Variants in GALNTL6 observed in about 807,000 individuals in gnomAD.
GALNTL6 encodes polypeptide N-acetylgalactosaminyltransferase like 6, also known as polypeptide N-acetylgalactosaminyltransferase-like 6.
Under a neutral mutation model 73.7 loss-of-function variants are expected in GALNTL6, and 46 were observed. The observed-to-expected ratio is 0.62, with a 90% CI of 0.49 to 0.80. The LOEUF (loss-of-function observed/expected upper bound fraction) is 0.80. GALNTL6 is among the 30% of genes least tolerant of loss of function. The pLI is 0.00. For synonymous variants in GALNTL6, 259 were observed against 263.7 expected (o/e 0.98, Z 0.17); for missense variants, 604 against 755.0 (o/e 0.80, Z 2.34).
intron 2 of GALNTL6, among the ~76,000 whole-genome samples, chr4:171,995,699 A>G (rs1740466035): frequency 1.3e-5 from 2 of 152,046 alleles, no homozygotes; most frequent in African/African-American, 4.8e-5. Flanking sequence ...TTACCTTAGT[A>G]TTCATTTTAA....
At chr4:172,892,605 CTTT>C (rs57815105) in intron 8 of GALNTL6, among the ~76,000 whole-genome samples, 12,683 of 137,762 alleles carry the variant, frequency 0.092, 1,058 homozygotes, top group African/African-American at 0.22. Flanking sequence ...ATTTTTAATT[CTTT>C]TTTTTTTTTT....
intron 2 of GALNTL6, among the ~76,000 whole-genome samples, chr4:171,952,364 G>A (rs1738910530): frequency 6.6e-6 from 1 of 151,810 alleles, no homozygotes; most frequent in Admixed American, 6.6e-5. Flanking sequence ...CAAGCAACAA[G>A]TACTTCTCCT....
At chr4:172,866,287 CGA>C (rs1744659815) in intron 7 of GALNTL6, among the ~76,000 whole-genome samples, 1 of 151,934 alleles carries the variant, frequency 6.6e-6, no homozygotes, top group Non-Finnish European at 1.5e-5. Flanking sequence ...AGTGCATATA[CGA>C]GAGAGAGGAA....
chr4:172,413,021 A>G (rs1156655176), intron 5 of GALNTL6, among the ~76,000 whole-genome samples: 25 of 152,304 alleles, frequency 1.6e-4, no homozygotes, highest in Non-Finnish European at 1.5e-5. Flanking sequence ...TCATCAAGAA[A>G]GAAACATTTT....
intron 2 of GALNTL6, among the ~76,000 whole-genome samples, chr4:172,166,414 C>G (rs1163056636): frequency 6.6e-6 from 1 of 151,904 alleles, no homozygotes; most frequent in Non-Finnish European, 1.5e-5. Context: ...TTGCTGCACT[C>G]CAGCCTGGGT....
intron 5 of GALNTL6, among the ~76,000 whole-genome samples, chr4:172,446,547 A>G (rs1398696939): frequency 6.6e-6 from 1 of 152,206 alleles, no homozygotes; most frequent in Non-Finnish European, 1.5e-5. Context: ...TAAAAGTTTC[A>G]TCATAAAGCC....
chr4:172,614,762 C>A (rs1045732772), intron 5 of GALNTL6, among the ~76,000 whole-genome samples: 1 of 152,138 alleles, frequency 6.6e-6, no homozygotes, highest in Non-Finnish European at 1.5e-5. Flanking sequence ...GAGGGAAGCA[C>A]TTACAGCATC....
At position 172,944,776 on chromosome 4, in the gene GALNTL6, C is replaced by T. The variant is rs1235227238; in HGVS notation, c.1150-7261C>T. Among the ~76,000 whole-genome samples, 3 of 152,126 alleles carry T rather than the reference C, an allele frequency of 2.0e-5. No homozygotes were observed. In the East Asian group the frequency reaches 5.8e-4, roughly 29 times the overall value. ...TGTGATAGAATACAATAAGAATGGG[C>T]TGGGCACGGTGGCTCATGCCTATAA... On this transcript the variant is annotated intron_variant, in intron 9 of 12. Transcript: ENST00000506823.
At chr4:172,077,100 T>G (rs1271880712) in intron 2 of GALNTL6, among the ~76,000 whole-genome samples, 1 of 152,248 alleles carries the variant, frequency 6.6e-6, no homozygotes, top group Non-Finnish European at 1.5e-5. Context: ...TATGGAACTG[T>G]GAGTCAATTA....
At chr4:172,410,921 G>C (rs773840914) in intron 5 of GALNTL6, among the ~76,000 whole-genome samples, 23 of 152,108 alleles carry the variant, frequency 1.5e-4, no homozygotes, top group Admixed American at 7.2e-4. Flanking sequence ...AGCACAGCAG[G>C]CTTCACATTT....
chr4:172,739,754 A>C (rs1736693894), intron 5 of GALNTL6, among the ~76,000 whole-genome samples: 1 of 152,146 alleles, frequency 6.6e-6, no homozygotes, highest in African/African-American at 2.4e-5. Context: ...TTACATACTA[A>C]GAATTTTCTT....
intron 9 of GALNTL6, among the ~76,000 whole-genome samples, chr4:172,935,216 C>A (rs1029634587): frequency 1.3e-5 from 2 of 152,164 alleles, no homozygotes; most frequent in African/African-American, 2.4e-5. Context: ...CACAGCCACC[C>A]TCGCCAATAC....
chr4:172,156,540 AAT>A (rs5864120), intron 2 of GALNTL6, among the ~76,000 whole-genome samples: 36,720 of 124,506 alleles, frequency 0.29, 5,705 homozygotes, highest in East Asian at 0.45. Context: ...ATATATATAT[AAT>A]ATATATATAT....
intron 5 of GALNTL6, among the ~76,000 whole-genome samples, chr4:172,349,543 T>A (rs1024502196): frequency 6.6e-6 from 1 of 152,118 alleles, no homozygotes; most frequent in African/African-American, 2.4e-5. Flanking sequence ...CACAGAAACA[T>A]CTTTTTTTCA....
chr4:171,893,762 T>TCTGATACTAA (rs1172746857), intron 2 of GALNTL6, among the ~76,000 whole-genome samples: 2 of 152,212 alleles, frequency 1.3e-5, no homozygotes, highest in African/African-American at 4.8e-5. Context: ...TTACTAGTTC[T>TCTGATACTAA]CTGATACTAA....
At chr4:172,430,815 A>G (rs1731421160) in intron 5 of GALNTL6, among the ~76,000 whole-genome samples, 1 of 152,118 alleles carries the variant, frequency 6.6e-6, no homozygotes, top group South Asian at 2.1e-4. Flanking sequence ...AACCACCACC[A>G]CCACAACAAC....
chr4:172,769,492 A>T (rs1219562227), intron 5 of GALNTL6, among the ~76,000 whole-genome samples: 1 of 152,222 alleles, frequency 6.6e-6, no homozygotes, highest in Non-Finnish European at 1.5e-5. Context: ...GAAAGAAATC[A>T]GGAAATAAAG....
intron 2 of GALNTL6, among the ~76,000 whole-genome samples, chr4:172,087,467 AC>A (rs1560917726): frequency 9.8e-4 from 147 of 149,264 alleles, no homozygotes; most frequent in African/African-American, 3.3e-3. Flanking sequence ...AACAAAAAAA[AC>A]AAAAAAAACA....
chr4:172,130,912 G>A (rs1173192876), intron 2 of GALNTL6, among the ~76,000 whole-genome samples: 1 of 151,940 alleles, frequency 6.6e-6, no homozygotes, highest in African/African-American at 2.4e-5. Flanking sequence ...TGAGTTTTTG[G>A]CCACTATCCC....
Sources: gnomAD v4.1 joint callset for allele counts (sites outside exome capture counted in the v4.1 genomes callset) on GRCh38, gnomAD v4.1.1 for gene constraint, MANE v1.5 for transcripts, NCBI Gene and HGNC (gene_info 2026-07-23, HGNC 2026-07-21) for gene names.